Variants in FSTL4 observed in about 807,000 individuals in gnomAD.
FSTL4 encodes follistatin-related protein 4.
A neutral mutation model predicts 78.2 loss-of-function variants in FSTL4; 28 were observed. The observed-to-expected ratio is 0.36, with a 90% CI of 0.27 to 0.49. The LOEUF (loss-of-function observed/expected upper bound fraction) is 0.49. Ranked by LOEUF, FSTL4 falls within the 20% of genes least tolerant of loss-of-function variation. The probability of loss-of-function intolerance (pLI) is 0.98; values close to 1 mark genes in which losing one functional copy is unlikely to be tolerated. For missense variants in FSTL4, 922 were observed against 1,084.9 expected, an observed-to-expected ratio of 0.85 and a Z score of 2.11; for synonymous variants, 422 against 440.5, an observed-to-expected ratio of 0.96 and a Z score of 0.53.
chr5:133,554,689 TG>T (rs1759754261), intron 3 of FSTL4, among the ~76,000 whole-genome samples: 2 of 152,250 alleles, frequency 1.3e-5, no homozygotes, highest in African/African-American at 4.8e-5. Context: ...AAGAGGCACA[TG>T]GAAATATCTG....
At chr5:133,229,950 G>A (rs1281804688) in intron 8 of FSTL4, among the ~76,000 whole-genome samples, 1 of 152,172 alleles carries the variant, frequency 6.6e-6, no homozygotes, top group African/African-American at 2.4e-5. Context: ...TGGGAGCACA[G>A]GGACAGTGGT....
chr5:133,403,247 A>T (rs1756278433), intron 3 of FSTL4, among the ~76,000 whole-genome samples: 1 of 152,226 alleles, frequency 6.6e-6, no homozygotes, highest in African/African-American at 2.4e-5. Context: ...TTGAAGAAAC[A>T]AGAGGCAAAG....
the FSTL4 span, among the ~76,000 whole-genome samples, chr5:133,762,719 T>C: frequency 1.7e-4 from 26 of 152,322 alleles, no homozygotes; most frequent in African/African-American, 5.8e-4. Context: ...CAGGACTCCA[T>C]GCTTCACTTT....
At chr5:133,458,937 G>A (rs1306899388) in intron 3 of FSTL4, among the ~76,000 whole-genome samples, 4 of 152,128 alleles carry the variant, frequency 2.6e-5, no homozygotes, top group Non-Finnish European at 5.9e-5. Context: ...AGACGGGGAC[G>A]GAGGAGAGGC....
At chr5:133,629,818 C>T in the FSTL4 span, among the ~76,000 whole-genome samples, 1 of 151,376 alleles carries the variant, frequency 6.6e-6, no homozygotes, top group Admixed American at 6.6e-5. Flanking sequence ...CAGCTTCATC[C>T]CTGGGATGCA....
chr5:133,712,433 G>A, the FSTL4 span, among the ~76,000 whole-genome samples: 1 of 152,176 alleles, frequency 6.6e-6, no homozygotes, highest in Non-Finnish European at 1.5e-5. Flanking sequence ...TGGGTCGAGA[G>A]CTGATTTCAG....
intron 7 of FSTL4, among the ~76,000 whole-genome samples, chr5:133,245,715 C>CA (rs1752021412): frequency 6.6e-6 from 1 of 152,188 alleles, no homozygotes; most frequent in South Asian, 2.1e-4. Context: ...ATGTACGCCA[C>CA]CTGGATGGGC....
chr5:133,225,251 C>T lies in FSTL4; in HGVS notation c.1211G>A (p.Arg404Gln), dbSNP rs559312046. 406 of 1,614,172 alleles carry T rather than the reference C, an allele frequency of 2.5e-4. 4 individuals carry two copies. In the South Asian group the frequency reaches 3.8e-3, roughly 15 times the overall value. ...NGSELHISSV[R>Q]YEDTGAYTCI... Reference sequence around the variant, plus strand: ...GGTGTATGCCCCTGTGTCTTCATACCGAACACTGCTGATGTGGAGTTCGCT... The same window carrying T: ...GGTGTATGCCCCTGTGTCTTCATACTGAACACTGCTGATGTGGAGTTCGCT... Residue 404 changes from arginine to glutamine, a missense_variant, in exon 10 of 16, where the codon CGG becomes CAG. By Grantham distance (43) the Arg-to-Gln change is conservative. Transcript: ENST00000265342. This position sits in a 1 kb window ranked among gnomAD's most constrained non-coding sequence, Gnocchi z 4.6.
At chr5:133,379,232 C>T (rs1315490545) in intron 4 of FSTL4, among the ~76,000 whole-genome samples, 3 of 152,026 alleles carry the variant, frequency 2.0e-5, no homozygotes. Flanking sequence ...GACATATACA[C>T]ATCTAACAAG....
chr5:133,533,096 A>G (rs576180204), intron 3 of FSTL4, among the ~76,000 whole-genome samples: 1 of 152,354 alleles, frequency 6.6e-6, no homozygotes, highest in African/African-American at 2.4e-5. Context: ...TGTGGGCTTT[A>G]TCATGGAATT....
chr5:133,507,457 G>T (rs963927876), intron 3 of FSTL4, among the ~76,000 whole-genome samples: 1 of 151,516 alleles, frequency 6.6e-6, no homozygotes, highest in South Asian at 2.1e-4. Context: ...AAGTAACTAC[G>T]TACAGTCGGC....
the FSTL4 span, among the ~76,000 whole-genome samples, chr5:133,701,232 G>A: frequency 8.6e-5 from 13 of 151,352 alleles, no homozygotes; most frequent in South Asian, 1.3e-3. Flanking sequence ...GTGAAACCCC[G>A]TCTCTACTAA....
the FSTL4 span, among the ~76,000 whole-genome samples, chr5:133,765,126 G>A: frequency 7.9e-5 from 12 of 152,212 alleles, no homozygotes; most frequent in Non-Finnish European, 1.0e-4. Context: ...ATTCTTCTGC[G>A]AAGCAAGGGA....
intron 6 of FSTL4, among the ~76,000 whole-genome samples, chr5:133,303,020 G>T (rs1753582562): frequency 6.6e-6 from 1 of 152,204 alleles, no homozygotes; most frequent in Non-Finnish European, 1.5e-5. Context: ...AGAGCCTTGG[G>T]CCATAACCAC....
At chr5:133,669,365 C>G in the FSTL4 span, among the ~76,000 whole-genome samples, 1 of 152,224 alleles carries the variant, frequency 6.6e-6, no homozygotes, top group Non-Finnish European at 1.5e-5. Context: ...CCCGGGGGCT[C>G]ATCCTCCCTG....
At chr5:133,510,371 C>G (rs568389956) in intron 3 of FSTL4, among the ~76,000 whole-genome samples, 1 of 152,168 alleles carries the variant, frequency 6.6e-6, no homozygotes, top group Non-Finnish European at 1.5e-5. Context: ...TGAGCTCCTG[C>G]TTATTTCTAT....
At chr5:133,815,228 G>A in the FSTL4 span, among the ~76,000 whole-genome samples, 1 of 152,170 alleles carries the variant, frequency 6.6e-6, no homozygotes, top group East Asian at 1.9e-4. Context: ...GCTGGAAGGG[G>A]TCTTGCAGGG....
chr5:133,258,822 T>C (rs572494820), intron 6 of FSTL4, among the ~76,000 whole-genome samples: 1 of 152,264 alleles, frequency 6.6e-6, no homozygotes, highest in Non-Finnish European at 1.5e-5. Context: ...AAATACCAGT[T>C]AACGTATTTC....
the FSTL4 span, among the ~76,000 whole-genome samples, chr5:133,634,185 G>A: frequency 6.6e-6 from 1 of 152,142 alleles, no homozygotes; most frequent in East Asian, 1.9e-4. Context: ...TTGTGGTGAT[G>A]GTACTGGGGC....
Sources: gnomAD v4.1 joint callset for allele counts (sites outside exome capture counted in the v4.1 genomes callset) on GRCh38, gnomAD v4.1.1 for gene constraint, Gnocchi (gnomAD v3.1) non-coding constraint, MANE v1.5 for transcripts, NCBI Gene and HGNC (gene_info 2026-07-23, HGNC 2026-07-21) for gene names.